The following OSGEP variants were observed in gnomAD, a reference collection of about 807,000 sequenced individuals.
OSGEP encodes O-sialoglycoprotein endopeptidase.
OSGEP carries 39 observed loss-of-function variants against 44.1 expected under a neutral mutation model. The ratio of observed to expected loss-of-function variants is 0.88; its 90% CI spans 0.69 to 1.16. The LOEUF (loss-of-function observed/expected upper bound fraction) is 1.16. OSGEP is among the 50% of genes most tolerant of loss of function. OSGEP has a pLI of 0.00. For missense variants in OSGEP, 403 were observed against 443.1 expected, an observed-to-expected ratio of 0.91 and a Z score of 0.81; for synonymous variants, 139 against 161.9, an observed-to-expected ratio of 0.86 and a Z score of 1.07.
chr14:20,449,495 G>A, intron 3 of OSGEP: 1 of 498,514 alleles, frequency 2.0e-6, no homozygotes, highest in South Asian at 2.4e-5. Flanking sequence ...GTAGGTTCAG[G>A]CAGAAATAAA....
Position 20,448,164 on chromosome 14 carries a change from G to A in OSGEP, c.644C>T (p.Ala215Val), listed in dbSNP as rs1881005515. The change falls in exon 7 of 11, where the codon GCC becomes GTC. Residue 215 changes from alanine to valine, a missense_variant. Physicochemically the swap from Ala to Val is moderately conservative, Grantham distance 64. Transcript: ENST00000206542. Reference sequence around the variant, plus strand: ...CTCGCCTGTGGCCAGCATCCGATGGGCTACATCCTACAATTAAAGGGAAAA... The same window carrying A: ...CTCGCCTGTGGCCAGCATCCGATGGACTACATCCTACAATTAAAGGGAAAA... The part of the protein sequence containing the change: ...SGILSFIEDV[A>V]HRMLATGECT... The A allele has an allele frequency of 1.2e-6, 2 of 1,611,894 alleles. No individual in the cohort carries two copies. Among genetic ancestry groups the A allele is most frequent in the South Asian group, 2.2e-5 (2 of 91,036 alleles).
rs199960852 is a variant in OSGEP at position 20,449,238 on chromosome 14, C to T, written c.440G>A (p.Arg147His). ...QVIAYSEHRY[R>H]IFGETIDIAV... The stretch of plus-strand genomic sequence containing the variant: ...AATATCGATGGTTTCCCCAAAGATA[C>T]GGTAACGATGTTCCGAGTATGCAAT... Residue 147 changes from arginine (R) to histidine (H), a missense_variant, in exon 4 of 11, where the codon CGT (arginine) becomes CAT (histidine). Physicochemically the swap from Arg to His is conservative, Grantham distance 29. Coordinates refer to ENST00000206542, the MANE Select transcript of OSGEP (RefSeq NM_017807.4). The T allele has an allele frequency of 4.5e-5, 72 of 1,611,432 alleles. No homozygotes were observed. Among genetic ancestry groups the T allele is most frequent in the Middle Eastern group, 3.3e-4 (2 of 6,080 alleles).
In OSGEP at chr14:20,447,849, G is replaced by T. The variant is rs1263444623; in HGVS notation, c.793+55C>A. 3.0e-6 allele frequency: 4 copies of T among 1,338,894 alleles called. No homozygotes were observed. In the South Asian group the frequency reaches 4.7e-5, roughly 16 times the overall value. 82.9% of individuals were successfully genotyped at this position (1,338,894 alleles called of 1,614,324 possible). On this transcript the variant is annotated intron_variant, in intron 8 of 10. Transcript: ENST00000206542. ...CGCTTAATGATTTAGAGTACCAGGA[G>T]GAAGACGCATAGTGTTAAGAATAGG... is the stretch of plus-strand genomic sequence containing the variant.
In OSGEP at chr14:20,452,323, C is replaced by A. The variant is rs567426593; in HGVS notation, c.235+6G>T. 6 of 1,613,220 alleles carry A rather than the reference C, an allele frequency of 3.7e-6. No individual in the cohort carries two copies. Among genetic ancestry groups the A allele is most frequent in the Non-Finnish European group, 5.1e-6 (6 of 1,179,840 alleles). On this transcript the variant is annotated splice_donor_region_variant and intron_variant, in intron 2 of 10. Coordinates refer to ENST00000206542, the MANE Select transcript of OSGEP (RefSeq NM_017807.4). ...CCTCCATCGTTGACCACTCTCCCAG[C>A]CATACCCTTGGTGTATGCAATGCAG...
intron 3 of OSGEP, chr14:20,451,336 T>G: frequency 3.3e-6 from 1 of 298,636 alleles, no homozygotes; most frequent in South Asian, 2.7e-5. Flanking sequence ...GACGGAGTTT[T>G]GCTCTTGTTG....
At chr14:20,448,552 A>G (rs1395218184) in intron 6 of OSGEP, among the ~76,000 whole-genome samples, 181 bp downstream of exon 6, 2 of 152,170 alleles carry the variant, frequency 1.3e-5, no homozygotes, top group African/African-American at 4.8e-5. Context: ...TATCTAGAAC[A>G]GCATGTGGCA....
chr14:20,448,605 G>T, intron 6 of OSGEP, 128 bp downstream of exon 6: 1 of 667,394 alleles, frequency 1.5e-6, no homozygotes, highest in Non-Finnish European at 2.6e-6. Flanking sequence ...AATTTACCCA[G>T]CACATGATAT....
intron 3 of OSGEP, 24 bp from the exon 4 acceptor site, chr14:20,449,290 G>A: frequency 3.0e-6 from 4 of 1,354,122 alleles, no homozygotes; most frequent in Non-Finnish European, 4.2e-6. Flanking sequence ...GGAAGTCCAT[G>A]AAACCCCAAG....
Position 20,447,933 on chromosome 14 carries a change from T to C in OSGEP, c.764A>G (p.Gln255Arg), listed in dbSNP as rs753586016. ...CACTCCTCCCACAATGAGGGCCTCCTGGGAGCCACAATGTGCCATGGCTCG... is the reference window on the plus strand; with the variant it reads ...CACTCCTCCCACAATGAGGGCCTCCCGGGAGCCACAATGTGCCATGGCTCG... ...TERAMAHCGS[Q>R]EALIVGGVGC... The change falls in exon 8 of 11, where the codon CAG becomes CGG. Residue 255 changes from glutamine (Q) to arginine (R), a missense_variant. Gln to Arg is a conservative substitution (Grantham distance 43, BLOSUM62 1). Coordinates refer to ENST00000206542, the MANE Select transcript of OSGEP (RefSeq NM_017807.4). 6.2e-7 allele frequency: 1 copy of C among 1,613,636 alleles called. No homozygotes were observed. Among genetic ancestry groups the C allele is most frequent in the African/African-American group, 1.3e-5 (1 of 75,034 alleles).
Position 20,451,995 on chromosome 14 carries a change from A to G in OSGEP, c.390T>C (p.Tyr130=). The G allele has an allele frequency of 2.5e-6, 4 of 1,609,544 alleles. No individual in the cohort carries two copies. Among genetic ancestry groups the G allele is most frequent in the Non-Finnish European group, 3.4e-6 (4 of 1,177,772 alleles). ...ITGATSPTVL[Y]VSGGNTQVIA... ...ATACCTGCGTATTTCCTCCACTCAC[A>G]TACAACACGGTTGGGCTGGTGGCTC... is the stretch of plus-strand genomic sequence containing the variant. Residue 130 remains tyrosine (Y), a synonymous_variant, in exon 3 of 11, where the codon TAT becomes TAC. Transcript: ENST00000206542.
In OSGEP at chr14:20,446,967, A is replaced by C; in HGVS notation, c.*273T>G. ...TTAAAAAAAAAAAAAAAGATACCTCATTCTTGGTTCCACAGCAGCAAGCTC... is the reference window on the plus strand; with the variant it reads ...TTAAAAAAAAAAAAAAAGATACCTCCTTCTTGGTTCCACAGCAGCAAGCTC... On this transcript the variant is annotated 3_prime_UTR_variant, in exon 11 of 11. Transcript: ENST00000206542. The C allele has an allele frequency of 2.4e-6, 1 of 414,750 alleles. No individual in the cohort carries two copies. The allele number at this position is 414,750 out of a possible 1,614,324, so 25.7% of individuals were successfully genotyped here. A position where few individuals can be genotyped will look rare whatever the true frequency, so the allele number is the denominator to read the frequency against.
Position 20,448,656 on chromosome 14 carries a change from A to T in OSGEP, c.636+77T>A, listed in dbSNP as rs376052939. The stretch of plus-strand genomic sequence containing the variant: ...TACATGAATATACTGAGCTATACGA[A>T]ATATAATCGTAAGTAAAACAGATAT... On this transcript the variant is annotated intron_variant, in intron 6 of 10. Transcript: ENST00000206542. 4.9e-5 allele frequency: 51 copies of T among 1,032,492 alleles called. No individual in the cohort carries two copies. The African/African-American group carries it at 7.4e-4, about 15-fold the overall frequency. 64.0% of individuals were successfully genotyped at this position (1,032,492 alleles called of 1,614,324 possible). A position where few individuals can be genotyped will look rare whatever the true frequency, so the allele number is the denominator to read the frequency against.
chr14:20,447,606 T>C lies in OSGEP; in HGVS notation c.869+9A>G. 1.2e-6 allele frequency: 2 copies of C among 1,612,306 alleles called. No individual in the cohort carries two copies. The highest frequency in any genetic ancestry group is 1.7e-6 in the Non-Finnish European group (2 of 1,178,420). On this transcript the variant is annotated intron_variant, in intron 9 of 10. Coordinates refer to ENST00000206542, the MANE Select transcript of OSGEP (RefSeq NM_017807.4). Reference sequence around the variant, plus strand: ...AGTAAAAAAGAAACCAAAGGGAAAGTGTCTTTACCTCTCATCTGTAGCAAA... The same window carrying C: ...AGTAAAAAAGAAACCAAAGGGAAAGCGTCTTTACCTCTCATCTGTAGCAAA...
At chr14:20,448,898 A>G (rs1015283883) in intron 5 of OSGEP, 66 bp downstream of exon 5, 11 of 1,593,440 alleles carry the variant, frequency 6.9e-6, no homozygotes, top group Non-Finnish European at 9.5e-6. Flanking sequence ...TTGTTAATAT[A>G]TACCGTATAT....
rs1880994765 is a variant in OSGEP, at chr14:20,447,904, ACC to A, written c.791_792del (p.Gly264ValfsTer2). 2.5e-6 allele frequency: 4 copies of A among 1,596,512 alleles called. No homozygotes were observed. In the East Asian group the frequency reaches 8.9e-5, roughly 36 times the overall value. On this transcript the variant is annotated frameshift_variant and splice_region_variant, in exon 8 of 11. Transcript: ENST00000206542. LOFTEE classifies it high-confidence loss of function. Reference protein sequence around the residue: ...SQEALIVGGVGCNVRLQEMMA... With the variant: ...SQEALIVGGVXCNVRLQEMMA... ...AGGAACACTTTTCAATAATACATAC[ACC>A]CCACTCCTCCCACAATGAGGGCCTC...
Position 20,454,056 on chromosome 14 carries a change from T to C in OSGEP, c.115+513A>G, listed in dbSNP as rs1031939710. The stretch of plus-strand genomic sequence containing the variant: ...TAAAATAAAAAATAAAGACCAAATG[T>C]CCAAAACAAAAATATTTAATATGAA... On this transcript the variant is annotated intron_variant, in intron 1 of 10. Transcript: ENST00000206542. Among the ~76,000 whole-genome samples the C allele has an allele frequency of 2.6e-5, 4 of 152,084 alleles. No homozygotes were observed. The East Asian group carries it at 7.7e-4, about 29-fold the overall frequency.
rs760039334 is a variant in OSGEP at position 20,452,329 on chromosome 14, C to A, written c.235G>T (p.Gly79Cys). The change falls in exon 2 of 11, where the codon GGC (glycine) becomes TGC (cysteine). Residue 79 changes from glycine (G) to cysteine (C), a missense_variant and splice_region_variant. Coordinates refer to ENST00000206542, the MANE Select transcript of OSGEP (RefSeq NM_017807.4). ...TCGTTGACCACTCTCCCAGCCATAC[C>A]CTTGGTGTATGCAATGCAGTCGATA... ...QDIDCIAYTK[G>C]PGMGAPLVSV... The A allele has an allele frequency of 6.2e-7, 1 of 1,613,478 alleles. No homozygotes were observed. Among genetic ancestry groups the A allele is most frequent in the Non-Finnish European group, 8.5e-7 (1 of 1,179,870 alleles).
intron 1 of OSGEP, among the ~76,000 whole-genome samples, chr14:20,452,945 T>A (rs934191517): frequency 6.6e-6 from 1 of 152,136 alleles, no homozygotes; most frequent in African/African-American, 2.4e-5. Context: ...CCTGACCTCG[T>A]GATCCGTCTG....
chr14:20,448,826 G>C lies in OSGEP; in HGVS notation c.558-15C>G. 6.2e-7 allele frequency: 1 copy of C among 1,607,350 alleles called. No individual in the cohort carries two copies. Among genetic ancestry groups the C allele is most frequent in the East Asian group, 2.2e-5 (1 of 44,858 alleles). On this transcript the variant is annotated splice_polypyrimidine_tract_variant and intron_variant, in intron 5 of 10. Transcript: ENST00000206542. ...GCTTCTTGCCTCTATGTGGGAATAA[G>C]CGTACGAGGCACTAAGCCTACAGTC...
Sources: gnomAD v4.1 joint callset for allele counts (sites outside exome capture counted in the v4.1 genomes callset) on GRCh38, gnomAD v4.1.1 for gene constraint, MANE v1.5 for transcripts, NCBI Gene and HGNC (gene_info 2026-07-23, HGNC 2026-07-21) for gene names.